The following CNTLN variants were observed in gnomAD, a reference collection of about 807,000 sequenced individuals.
The protein encoded by CNTLN is centlein, centrosomal protein.
Under a neutral mutation model 180.0 loss-of-function variants are expected in CNTLN, and 212 were observed. The ratio of observed to expected loss-of-function variants is 1.18; its 90% confidence interval spans 1.05 to 1.32. The LOEUF is 1.32. Among genes scored for constraint, CNTLN ranks in the 40% most tolerant of loss-of-function variants. The pLI is 0.00. For synonymous variants in CNTLN, 722 were observed against 563.1 expected, an observed-to-expected ratio of 1.28 and a Z score of -3.99; for missense variants, 2,095 against 1,610.9, an observed-to-expected ratio of 1.30 and a Z score of -5.14.
intron 1 of CNTLN, among the ~76,000 whole-genome samples, chr9:17,139,236 T>G (rs1817921177): frequency 6.6e-6 from 1 of 151,924 alleles, no homozygotes; most frequent in Non-Finnish European, 1.5e-5. Context: ...TACAGGTTCA[T>G]GCCACCACGC....
chr9:17,143,946 T>G (rs1818277904), intron 2 of CNTLN, among the ~76,000 whole-genome samples: 1 of 152,202 alleles, frequency 6.6e-6, no homozygotes, highest in Non-Finnish European at 1.5e-5. Context: ...CTGGGTTCTC[T>G]CTATCAAACA....
chr9:17,498,377 A>G (rs1833569479), intron 25 of CNTLN, among the ~76,000 whole-genome samples: 3 of 152,182 alleles, frequency 2.0e-5, no homozygotes, highest in African/African-American at 7.2e-5. Context: ...TAATAAATTT[A>G]AGATTGTGAT....
chr9:17,215,561 G>A lies in CNTLN; in HGVS notation c.450-10642G>A, dbSNP rs189732861. ...ATCTCACACTCCATACTGGGAGAACGACTGCTCTCTTCAAAGCTGTCAGAC... is the reference window on the plus strand; with the variant it reads ...ATCTCACACTCCATACTGGGAGAACAACTGCTCTCTTCAAAGCTGTCAGAC... On this transcript the variant is annotated intron_variant, in intron 2 of 25. Transcript: ENST00000380647. Among the ~76,000 whole-genome samples, 1,033 of 152,306 alleles carry A rather than the reference G, an allele frequency of 6.8e-3. 11 individuals carry two copies. The highest frequency in any genetic ancestry group is 0.023 in the African/African-American group (975 of 41,566).
intron 18 of CNTLN, among the ~76,000 whole-genome samples, chr9:17,420,407 A>C (rs1828622464): frequency 6.6e-6 from 1 of 152,130 alleles, no homozygotes; most frequent in Non-Finnish European, 1.5e-5. Context: ...TATCTGTTGT[A>C]ATATCTGCTT....
At chr9:17,331,825 A>G (rs540570890) in intron 9 of CNTLN, among the ~76,000 whole-genome samples, 27 of 152,190 alleles carry the variant, frequency 1.8e-4, no homozygotes, top group African/African-American at 5.8e-4. Flanking sequence ...AAACATTCAT[A>G]AAATTGAAAT....
chr9:17,273,719 C>T lies in CNTLN; in HGVS notation c.850-14C>T. The T allele has an allele frequency of 7.1e-7, 1 of 1,401,224 alleles. No individual in the cohort carries two copies. The highest frequency in any genetic ancestry group is 9.6e-7 in the Non-Finnish European group (1 of 1,038,098). The allele number at this position is 1,401,224 out of a possible 1,614,324, so 86.8% of individuals were successfully genotyped here. A position where few individuals can be genotyped will look rare whatever the true frequency, so the allele number is the denominator to read the frequency against. On this transcript the variant is annotated splice_polypyrimidine_tract_variant and intron_variant, in intron 5 of 25. Transcript: ENST00000380647. ...TATTATGTTTGATTATTGATATAAG[C>T]ACTCTAATTTTAGACCTTTGAAGAC...
At chr9:17,437,865 G>C (rs1829869449) in intron 18 of CNTLN, among the ~76,000 whole-genome samples, 1 of 152,160 alleles carries the variant, frequency 6.6e-6, no homozygotes, top group Non-Finnish European at 1.5e-5. Context: ...CATGTGGAGA[G>C]AGAGAGTTAT....
the CNTLN span, among the ~76,000 whole-genome samples, chr9:17,519,058 G>T: frequency 6.6e-6 from 1 of 151,068 alleles, no homozygotes; most frequent in Non-Finnish European, 1.5e-5. Flanking sequence ...GAGTAGCTGG[G>T]ACTACAGGTG....
chr9:17,279,846 A>G (rs559588231), intron 6 of CNTLN, among the ~76,000 whole-genome samples: 1 of 51,016 alleles, frequency 2.0e-5, no homozygotes, highest in East Asian at 6.8e-4. Flanking sequence ...TGCCTTCATG[A>G]ATGAATTAAT....
intron 25 of CNTLN, chr9:17,487,322 G>A (rs1832944782): frequency 2.3e-6 from 1 of 440,288 alleles, no homozygotes; most frequent in Non-Finnish European, 4.1e-6. Context: ...GTCAACCTCT[G>A]TGCTTGCTAG....
chr9:17,344,606 A>T (rs1821733039), intron 12 of CNTLN, among the ~76,000 whole-genome samples: 1 of 152,170 alleles, frequency 6.6e-6, no homozygotes, highest in Non-Finnish European at 1.5e-5. Flanking sequence ...GTTTAGTATT[A>T]AACATTCTTA....
At position 17,425,692 on chromosome 9, in the gene CNTLN, C is replaced by G. The variant is rs1722462330; in HGVS notation, c.3114+9503C>G. ...TGAGGTTTCACATGGAAATGAGGAA[C>G]ATGCTACTGGAAACTAGAGGAAAAG... is the stretch of plus-strand genomic sequence containing the variant. On this transcript the variant is annotated intron_variant, in intron 18 of 25. Transcript: ENST00000380647. Among the ~76,000 whole-genome samples, 3 of 152,062 alleles carry G rather than the reference C, an allele frequency of 2.0e-5. No homozygotes were observed. In the South Asian group the frequency reaches 6.2e-4, roughly 32 times the overall value.
chr9:17,466,732 A>G lies in CNTLN; in HGVS notation c.3696A>G (p.Ser1232=). The change falls in exon 23 of 26, where the codon TCA becomes TCG. Residue 1232 remains serine (S), a synonymous_variant. Coordinates refer to ENST00000380647, the MANE Select transcript of CNTLN (RefSeq NM_017738.4). ...KKDLKLTLLV[S]RISETESAMA... is the part of the protein sequence containing the mutation. Reference sequence around the variant, plus strand: ...ATCTCAAGCTTACTCTCCTAGTATCAAGAATAAGTGAGACTGAATCTGCAA... The same window carrying G: ...ATCTCAAGCTTACTCTCCTAGTATCGAGAATAAGTGAGACTGAATCTGCAA... 6.2e-7 allele frequency: 1 copy of G among 1,609,894 alleles called. No homozygotes were observed. The highest frequency in any genetic ancestry group is 1.7e-4 in the Middle Eastern group (1 of 6,040).
intron 2 of CNTLN, among the ~76,000 whole-genome samples, chr9:17,195,699 T>C (rs1822087104): frequency 6.6e-6 from 1 of 152,170 alleles, no homozygotes; most frequent in Non-Finnish European, 1.5e-5. Context: ...ATAGCCCTTT[T>C]TGTGAAGGTG....
At chr9:17,468,342 C>A (rs1252345924) in intron 23 of CNTLN, among the ~76,000 whole-genome samples, 2 of 151,494 alleles carry the variant, frequency 1.3e-5, no homozygotes, top group Non-Finnish European at 3.0e-5. Context: ...CCCTGCAACA[C>A]AAAATTTATC....
intron 13 of CNTLN, among the ~76,000 whole-genome samples, chr9:17,386,845 G>T (rs1825723738): frequency 6.6e-6 from 1 of 152,138 alleles, no homozygotes; most frequent in African/African-American, 2.4e-5. Flanking sequence ...TCACTCAGAA[G>T]TATAACAGAT....
At chr9:17,435,756 T>G (rs996854907) in intron 18 of CNTLN, among the ~76,000 whole-genome samples, 16 of 152,006 alleles carry the variant, frequency 1.1e-4, no homozygotes, top group Non-Finnish European at 2.1e-4. Flanking sequence ...AGAGACAGGG[T>G]TTCACCACGT....
intron 7 of CNTLN, among the ~76,000 whole-genome samples, chr9:17,308,609 T>C (rs1165273143): frequency 5.9e-5 from 9 of 152,158 alleles, no homozygotes; most frequent in African/African-American, 2.2e-4. Flanking sequence ...TTCCTATCGT[T>C]GTACATAATT....
intron 6 of CNTLN, among the ~76,000 whole-genome samples, chr9:17,292,975 A>G (rs1334154665): frequency 1.3e-5 from 2 of 151,982 alleles, no homozygotes; most frequent in Non-Finnish European, 2.9e-5. Flanking sequence ...TGATGCTGTT[A>G]TTGTTGTTGC....
Sources: gnomAD v4.1 joint callset for allele counts (sites outside exome capture counted in the v4.1 genomes callset) on GRCh38, gnomAD v4.1.1 for gene constraint, MANE v1.5 for transcripts, NCBI Gene and HGNC (gene_info 2026-07-23, HGNC 2026-07-21) for gene names.